Variants in KIF13A observed in about 807,000 individuals in gnomAD.
KIF13A encodes the protein kinesin family member 13A.
KIF13A carries 79 observed loss-of-function variants against 212.2 expected under a neutral mutation model. The observed-to-expected ratio is 0.37, with a 90% CI of 0.31 to 0.45. KIF13A has a LOEUF of 0.45. Ranked by LOEUF, KIF13A falls within the 20% of genes least tolerant of loss-of-function variation. KIF13A has a pLI of 1.00. For synonymous variants in KIF13A, 789 were observed against 808.6 expected, an observed-to-expected ratio of 0.98 and a Z score of 0.41; for missense variants, 1,901 against 2,209.0, an observed-to-expected ratio of 0.86 and a Z score of 2.79.
At chr6:17,814,574 T>TTAC (rs2150351721) in intron 17 of KIF13A, among the ~76,000 whole-genome samples, 1 of 25,112 alleles carries the variant, frequency 4.0e-5, no homozygotes, top group South Asian at 1.7e-3. Flanking sequence ...GTACTATTAA[T>TTAC]TATTATAACA....
At chr6:17,977,775 C>T (rs1350063990) in intron 2 of KIF13A, among the ~76,000 whole-genome samples, 5 of 152,206 alleles carry the variant, frequency 3.3e-5, no homozygotes, top group African/African-American at 9.7e-5. Context: ...ATATTGTATA[C>T]ATGTGCCATG....
chr6:17,849,497 T>C lies in KIF13A; in HGVS notation c.718-8A>G, dbSNP rs747962977. The stretch of plus-strand genomic sequence containing the variant: ...GACTTTCTCCCCGGAATTCTAGTTA[T>C]AGGAAACGAGAGAGAGAAGAAAAAC... On this transcript the variant is annotated splice_region_variant and splice_polypyrimidine_tract_variant and intron_variant, in intron 8 of 38. Transcript: ENST00000259711. This position sits in a 1 kb window ranked among gnomAD's most constrained non-coding sequence, Gnocchi z 5.7. The C allele has an allele frequency of 1.4e-5, 23 of 1,605,404 alleles. No homozygotes were observed. Among genetic ancestry groups the C allele is most frequent in the South Asian group, 7.7e-5 (7 of 90,504 alleles).
chr6:17,987,425 C>A lies in KIF13A; in HGVS notation c.39G>T (p.Arg13=). 2 of 1,354,870 alleles carry A rather than the reference C, an allele frequency of 1.5e-6. No homozygotes were observed. 83.9% of individuals were successfully genotyped at this position (1,354,870 alleles called of 1,614,324 possible). A position where few individuals can be genotyped will look rare whatever the true frequency, so the allele number is the denominator to read the frequency against. ...GCTCCTCACCTCGTCGGTTCATGGG[C>A]CGGACCCGGACGGCAACTTTTACCT... ...DTKVKVAVRV[R]PMNRRELELN... is the part of the protein sequence containing the mutation. The change falls in exon 1 of 39, where the codon CGG becomes CGT. Residue 13 remains arginine (R), a synonymous_variant. Coordinates refer to ENST00000259711, the MANE Select transcript of KIF13A (RefSeq NM_022113.6). The surrounding 1 kb of genome is among the most constrained non-coding windows in gnomAD (Gnocchi z 7.7).
Position 17,826,256 on chromosome 6 carries a change from C to CA in KIF13A, c.1533-133dup, listed in dbSNP as rs1764952351. ...CAACTAACGCTTAAAGAAGGAAGAG[C>CA]AGAATGTGTAACCACTATGAAAACA... is the stretch of plus-strand genomic sequence containing the variant. On this transcript the variant is annotated intron_variant, in intron 14 of 38. Transcript: ENST00000259711. This position sits in a 1 kb window ranked among gnomAD's most constrained non-coding sequence, Gnocchi z 4.7. 1 of 669,598 alleles carries CA rather than the reference C, an allele frequency of 1.5e-6. No homozygotes were observed. The highest frequency in any genetic ancestry group is 1.8e-5 in the African/African-American group (1 of 55,202). 41.5% of individuals were successfully genotyped at this position (669,598 alleles called of 1,614,324 possible).
At position 17,764,066 on chromosome 6, in the gene KIF13A, G is replaced by A; in HGVS notation, c.*44C>T. 1 of 1,577,588 alleles carries A rather than the reference G, an allele frequency of 6.3e-7. No individual in the cohort carries two copies. ...CTGGATGAATCTTTCCTACCAAGTT[G>A]TTGCGGTGAAGGGCCTCTGGGGTTG... On this transcript the variant is annotated 3_prime_UTR_variant, in exon 39 of 39. Transcript: ENST00000259711. The surrounding 1 kb of genome is among the most constrained non-coding windows in gnomAD (Gnocchi z 5.1).
chr6:17,853,335 T>C (rs1259528259), intron 6 of KIF13A, among the ~76,000 whole-genome samples: 1 of 152,128 alleles, frequency 6.6e-6, no homozygotes, highest in African/African-American at 2.4e-5. Flanking sequence ...AAAGCAAACC[T>C]AGCATTATAC....
rs1327895969 is a variant in KIF13A, at chr6:17,897,876, C to G, written c.159+292G>C. Among the ~76,000 whole-genome samples, 1 of 152,176 alleles carries G rather than the reference C, an allele frequency of 6.6e-6. No homozygotes were observed. The highest frequency in any genetic ancestry group is 2.4e-5 in the African/African-American group (1 of 41,448). ...AGTTAGGACATGCTATTTCATCTCT[C>G]TGAGTCTCATTTCATCATCAAGAAA... On this transcript the variant is annotated intron_variant, in intron 3 of 38. Coordinates refer to ENST00000259711, the MANE Select transcript of KIF13A (RefSeq NM_022113.6). The surrounding 1 kb of genome is among the most constrained non-coding windows in gnomAD (Gnocchi z 4.8).
chr6:17,924,632 T>C (rs1775344200), intron 2 of KIF13A, among the ~76,000 whole-genome samples: 1 of 152,204 alleles, frequency 6.6e-6, no homozygotes, highest in African/African-American at 2.4e-5. Context: ...TATTCTTTTT[T>C]TGCCCAATTC....
intron 4 of KIF13A, among the ~76,000 whole-genome samples, chr6:17,864,982 A>T (rs1581571692): frequency 6.6e-6 from 1 of 152,284 alleles, no homozygotes; most frequent in Admixed American, 6.5e-5. Flanking sequence ...TCATTCCTAC[A>T]CCCAACATCT....
chr6:17,777,597 T>C lies in KIF13A; in HGVS notation c.4093-243A>G, dbSNP rs1760115976. On this transcript the variant is annotated intron_variant, in intron 33 of 38. Coordinates refer to ENST00000259711, the MANE Select transcript of KIF13A (RefSeq NM_022113.6). The surrounding 1 kb of genome is among the most constrained non-coding windows in gnomAD (Gnocchi z 4.4). The stretch of plus-strand genomic sequence containing the variant: ...CGGGGTTTCACCATGTTGCCCAGGT[T>C]GGTCTTGAACTCCTGAGCTCAGGCA... 2.0e-5 allele frequency among the ~76,000 whole-genome samples: 3 copies of C among 152,222 alleles called. No individual in the cohort carries two copies. The highest frequency in any genetic ancestry group is 2.0e-4 in the Admixed American group (3 of 15,284).
Position 17,951,146 on chromosome 6 carries a change from A to G in KIF13A, c.146+35908T>C. The G allele has an allele frequency of 1.6e-6, 2 of 1,221,140 alleles. No individual in the cohort carries two copies. Among genetic ancestry groups the G allele is most frequent in the Non-Finnish European group, 2.0e-6 (2 of 980,112 alleles). The allele number at this position is 1,221,140 out of a possible 1,614,324, so 75.6% of individuals were successfully genotyped here. On this transcript the variant is annotated intron_variant, in intron 2 of 38. Coordinates refer to ENST00000259711, the MANE Select transcript of KIF13A (RefSeq NM_022113.6). The surrounding 1 kb of genome is among the most constrained non-coding windows in gnomAD (Gnocchi z 4.9). Reference sequence around the variant, plus strand: ...TGTGGGGTCTGATGCAATTCACCTCACGCCACTTTAATTTTTTATTTTTTT... The same window carrying G: ...TGTGGGGTCTGATGCAATTCACCTCGCGCCACTTTAATTTTTTATTTTTTT...
chr6:17,771,396 G>T lies in KIF13A; in HGVS notation c.4477-178C>A. 1.8e-6 allele frequency: 1 copy of T among 554,594 alleles called. No individual in the cohort carries two copies. Among genetic ancestry groups the T allele is most frequent in the Non-Finnish European group, 3.2e-6 (1 of 312,072 alleles). 34.4% of individuals were successfully genotyped at this position (554,594 alleles called of 1,614,324 possible). On this transcript the variant is annotated intron_variant, in intron 37 of 38. Coordinates refer to ENST00000259711, the MANE Select transcript of KIF13A (RefSeq NM_022113.6). This position sits in a 1 kb window ranked among gnomAD's most constrained non-coding sequence, Gnocchi z 5.4. ...TGGAGAGATATGACAGGAATAAACA[G>T]ATTCTGTGGCAAAAAGCATAATTAG...
In KIF13A at chr6:17,883,863, G is replaced by A. The variant is rs567976692; in HGVS notation, c.160-10426C>T. ...GCCTGGGAGTTTGAGGCTGCAATGA[G>A]CTATGATCACACCTGTGAATAGCCA... On this transcript the variant is annotated intron_variant, in intron 3 of 38. Coordinates refer to ENST00000259711, the MANE Select transcript of KIF13A (RefSeq NM_022113.6). The surrounding 1 kb of genome is among the most constrained non-coding windows in gnomAD (Gnocchi z 4.8). Among the ~76,000 whole-genome samples the A allele has an allele frequency of 2.0e-3, 312 of 152,214 alleles. No individual in the cohort carries two copies. Among genetic ancestry groups the A allele is most frequent in the African/African-American group, 7.2e-3 (300 of 41,526 alleles).
At chr6:17,955,495 C>T (rs1285186373) in intron 2 of KIF13A, among the ~76,000 whole-genome samples, 1 of 152,136 alleles carries the variant, frequency 6.6e-6, no homozygotes, top group Non-Finnish European at 1.5e-5. Context: ...TAAAATCTTC[C>T]CTATAATTTC....
intron 3 of KIF13A, among the ~76,000 whole-genome samples, chr6:17,878,087 T>C (rs577596766): frequency 1.3e-5 from 2 of 152,322 alleles, no homozygotes; most frequent in East Asian, 3.9e-4. Context: ...ATGTCCCTTA[T>C]GAAGCTCCCA....
Position 17,783,290 on chromosome 6 carries a change from C to T in KIF13A, c.3544+356G>A, listed in dbSNP as rs1459271961. ...GTTATAGTGTGATCACTTCTGCCAT[C>T]AAAACTATTTGAGGAGAGTTAAGGG... On this transcript the variant is annotated intron_variant, in intron 29 of 38. Transcript: ENST00000259711. This position sits in a 1 kb window ranked among gnomAD's most constrained non-coding sequence, Gnocchi z 4.3. 6.6e-6 allele frequency among the ~76,000 whole-genome samples: 1 copy of T among 152,190 alleles called. No homozygotes were observed. The highest frequency in any genetic ancestry group is 6.5e-5 in the Admixed American group (1 of 15,270).
At position 17,972,486 on chromosome 6, in the gene KIF13A, A is replaced by G. The variant is rs533434245; in HGVS notation, c.146+14568T>C. On this transcript the variant is annotated intron_variant, in intron 2 of 38. Transcript: ENST00000259711. ...AAAATAGGTGGGCGCCAAAGGCATC[A>G]ATTCTGAGGACTTGTTTTATTAAAC... is the stretch of plus-strand genomic sequence containing the variant. Among the ~76,000 whole-genome samples, 5 of 152,342 alleles carry G rather than the reference A, an allele frequency of 3.3e-5. No homozygotes were observed. The South Asian group carries it at 1.0e-3, about 32-fold the overall frequency.
In KIF13A at chr6:17,839,399, C is replaced by A. The variant is rs1418187103; in HGVS notation, c.831-1816G>T. On this transcript the variant is annotated intron_variant, in intron 9 of 38. Coordinates refer to ENST00000259711, the MANE Select transcript of KIF13A (RefSeq NM_022113.6). This position sits in a 1 kb window ranked among gnomAD's most constrained non-coding sequence, Gnocchi z 4.3. ...TCAAAATGTGGAAACGACCACATGC[C>A]CATCAAATGATGAAGTGATGAATAA... 6.6e-6 allele frequency among the ~76,000 whole-genome samples: 1 copy of A among 152,114 alleles called. No individual in the cohort carries two copies. Among genetic ancestry groups the A allele is most frequent in the East Asian group, 1.9e-4 (1 of 5,186 alleles).
In KIF13A at chr6:17,772,774, A is replaced by G. The variant is rs1356674629; in HGVS notation, c.4324+704T>C. 2.0e-5 allele frequency among the ~76,000 whole-genome samples: 3 copies of G among 151,634 alleles called. No individual in the cohort carries two copies. The highest frequency in any genetic ancestry group is 4.4e-5 in the Non-Finnish European group (3 of 67,884). ...TAGAGGCTCAATAAATATTCAATGA[A>G]TTAATACTGTGTAAATTTTCTTGCG... On this transcript the variant is annotated intron_variant, in intron 36 of 38. Coordinates refer to ENST00000259711, the MANE Select transcript of KIF13A (RefSeq NM_022113.6). The surrounding 1 kb of genome is among the most constrained non-coding windows in gnomAD (Gnocchi z 4.8).
Sources: gnomAD v4.1 joint callset for allele counts (sites outside exome capture counted in the v4.1 genomes callset) on GRCh38, gnomAD v4.1.1 for gene constraint, Gnocchi (gnomAD v3.1) non-coding constraint, MANE v1.5 for transcripts, NCBI Gene and HGNC (gene_info 2026-07-23, HGNC 2026-07-21) for gene names.